The following HS6ST2 variants were observed in gnomAD, a reference collection of about 807,000 sequenced individuals.
HS6ST2 encodes heparan sulfate 6-O-sulfotransferase 2, also known as heparan-sulfate 6-O-sulfotransferase 2.
In HS6ST2, 17 loss-of-function variants were observed where a neutral mutation model predicts 33.0. The observed-to-expected ratio is 0.52, with a 90% confidence interval of 0.35 to 0.77. HS6ST2 has a LOEUF of 0.77. Ranked by LOEUF, HS6ST2 falls within the 30% of genes least tolerant of loss-of-function variation. The probability of loss-of-function intolerance (pLI) is 0.01; values close to 1 mark genes in which losing one functional copy is unlikely to be tolerated. For missense variants in HS6ST2, 519 were observed against 551.7 expected, an observed-to-expected ratio of 0.94 and a Z score of 0.59; for synonymous variants, 248 against 237.1, an observed-to-expected ratio of 1.05 and a Z score of -0.42.
At chrX:132,726,088 A>G (rs1014635334) in intron 2 of HS6ST2, among the ~76,000 whole-genome samples, 12 of 111,419 alleles carry the variant, frequency 1.1e-4, no homozygotes, top group African/African-American at 3.9e-4. Context: ...AATAAGACCT[A>G]GTATTTGATA....
In HS6ST2 at chrX:132,957,264, A is replaced by G. The variant is rs779300145; in HGVS notation, c.491T>C (p.Phe164Ser). The part of the protein sequence containing the change: ...LLLALVMLFL[F>S]AVIVLQYVCP... ...CACGTATTGGAGGACGATCACGGCAAATAGGAAGAGCATCACCAAAGCTAG... is the reference window on the plus strand; with the variant it reads ...CACGTATTGGAGGACGATCACGGCAGATAGGAAGAGCATCACCAAAGCTAG... Residue 164 changes from phenylalanine (F) to serine (S), a missense_variant, in exon 2 of 5, where the codon TTT (phenylalanine) becomes TCT (serine). By Grantham distance (155) the Phe-to-Ser change is radical (BLOSUM62 -2). Coordinates refer to ENST00000370833, the MANE Select transcript of HS6ST2 (RefSeq NM_001394073.1). 8.4e-7 allele frequency: 1 copy of G among 1,189,001 alleles called. No homozygotes were observed. Among genetic ancestry groups the G allele is most frequent in the Admixed American group, 2.3e-5 (1 of 43,927 alleles).
chrX:132,958,543 T>G lies in HS6ST2; in HGVS notation c.60A>C (p.Gly20=), dbSNP rs1672844592. The change falls in exon 1 of 5, where the codon GGA becomes GGC. Residue 20 remains glycine, a synonymous_variant. Transcript: ENST00000370833. Reference sequence around the variant, plus strand: ...GGGGACAGGTGGTGCGGACGGGCGCTCCTCGCTCCGGTTGCCGCGGCGGCT... The same window carrying G: ...GGGGACAGGTGGTGCGGACGGGCGCGCCTCGCTCCGGTTGCCGCGGCGGCT... ...EFEPPRQPER[G]APVRTTCPRR... 1 of 1,182,164 alleles carries G rather than the reference T, an allele frequency of 8.5e-7. No homozygotes were observed. The highest frequency in any genetic ancestry group is 1.1e-6 in the Non-Finnish European group (1 of 881,292).
chrX:132,912,368 G>A (rs2066543905), intron 2 of HS6ST2, among the ~76,000 whole-genome samples: 1 of 112,411 alleles, frequency 8.9e-6, no homozygotes, highest in African/African-American at 3.2e-5. Flanking sequence ...CCCAGTGTTG[G>A]TCCTAACCTG....
intron 2 of HS6ST2, among the ~76,000 whole-genome samples, chrX:132,818,374 C>T (rs1340676008): frequency 2.7e-5 from 3 of 110,763 alleles, no homozygotes; most frequent in African/African-American, 6.6e-5. Flanking sequence ...AGAGTATTAC[C>T]CTACAGAGTT....
chrX:132,736,388 T>A (rs1316966210), intron 2 of HS6ST2, among the ~76,000 whole-genome samples: 1 of 112,181 alleles, frequency 8.9e-6, no homozygotes, highest in Non-Finnish European at 1.9e-5. Context: ...ATAGCTTCTG[T>A]TAGTTTGCAC....
chrX:132,865,307 T>A (rs771647105), intron 2 of HS6ST2, among the ~76,000 whole-genome samples: 1 of 110,979 alleles, frequency 9.0e-6, no homozygotes, highest in East Asian at 2.9e-4. Context: ...GGACATGAAC[T>A]CATCATTTTT....
intron 2 of HS6ST2, among the ~76,000 whole-genome samples, chrX:132,866,048 C>G (rs2065975063): frequency 9.0e-6 from 1 of 110,971 alleles, no homozygotes; most frequent in Non-Finnish European, 1.9e-5. Context: ...ACATGAAGTC[C>G]TTGCCCATGC....
At position 132,627,457 on chromosome X, in the gene HS6ST2, C is replaced by T. The variant is rs2063487123; in HGVS notation, c.*766G>A. The T allele has an allele frequency of 1.8e-5, 2 of 112,059 alleles. No individual in the cohort carries two copies. Among genetic ancestry groups the T allele is most frequent in the African/African-American group, 6.5e-5 (2 of 30,772 alleles). The allele number at this position is 112,059 out of a possible 1,213,427, so 9.2% of individuals were successfully genotyped here. A position where few individuals can be genotyped will look rare whatever the true frequency, so the allele number is the denominator to read the frequency against. ...CCAGTATTGTTGAAATTACAGTGCC[C>T]TGAAAGCGCCTGGAAATTAGATCTT... On this transcript the variant is annotated 3_prime_UTR_variant, in exon 5 of 5. Coordinates refer to ENST00000370833, the MANE Select transcript of HS6ST2 (RefSeq NM_001394073.1).
In HS6ST2 at chrX:132,628,716, T is replaced by C. The variant is rs1287691930; in HGVS notation, c.1445A>G (p.Tyr482Cys). Residue 482 changes from tyrosine to cysteine, a missense_variant, in exon 5 of 5, where the codon TAT becomes TGT. Coordinates refer to ENST00000370833, the MANE Select transcript of HS6ST2 (RefSeq NM_001394073.1). ...GLTEFQRKTQ[Y>C]LFEKTFNMNF... ...CATGTTGAAGGTTTTCTCAAACAGA[T>C]ATTGGGTCTTCCGCTGAAACTCAGT... is the stretch of plus-strand genomic sequence containing the variant. 1 of 1,211,461 alleles carries C rather than the reference T, an allele frequency of 8.3e-7. No homozygotes were observed. Among genetic ancestry groups the C allele is most frequent in the Non-Finnish European group, 1.1e-6 (1 of 895,387 alleles).
chrX:132,925,610 T>TGTGTG (rs1441399521), intron 2 of HS6ST2, among the ~76,000 whole-genome samples: 1 of 111,760 alleles, frequency 8.9e-6, no homozygotes, highest in Admixed American at 9.5e-5. Flanking sequence ...TGACCAGAAG[T>TGTGTG]GTGTGAGTGT....
chrX:132,944,027 GGA>G (rs1293660894), intron 2 of HS6ST2, among the ~76,000 whole-genome samples: 1 of 110,672 alleles, frequency 9.0e-6, no homozygotes. Context: ...GGCAGGAGAA[GGA>G]AATAAAGGGT....
intron 2 of HS6ST2, among the ~76,000 whole-genome samples, chrX:132,849,581 A>C (rs1371038446): frequency 8.9e-6 from 1 of 112,025 alleles, no homozygotes; most frequent in African/African-American, 3.2e-5. Context: ...ATATCTTTGG[A>C]AATGTTTCAG....
At chrX:132,836,547 C>T (rs1292523691) in intron 2 of HS6ST2, among the ~76,000 whole-genome samples, 2 of 112,451 alleles carry the variant, frequency 1.8e-5, no homozygotes, top group African/African-American at 6.5e-5. Context: ...TGAGAAGCAA[C>T]AGCTCTCCTC....
chrX:132,667,355 T>C (rs1271732471), intron 4 of HS6ST2, among the ~76,000 whole-genome samples: 2 of 111,975 alleles, frequency 1.8e-5, no homozygotes, highest in African/African-American at 6.5e-5. Flanking sequence ...AAAAGTTACC[T>C]ATCTCAAAAT....
intron 3 of HS6ST2, among the ~76,000 whole-genome samples, chrX:132,676,788 A>T (rs1265571325): frequency 8.9e-6 from 1 of 112,094 alleles, no homozygotes; most frequent in African/African-American, 3.2e-5. Flanking sequence ...GCCTCACAGG[A>T]AGCATGAGAC....
Position 132,956,803 on chromosome X carries a change from C to T in HS6ST2, c.947+5G>A, listed in dbSNP as rs993495345. On this transcript the variant is annotated splice_donor_5th_base_variant and intron_variant, in intron 2 of 4. Coordinates refer to ENST00000370833, the MANE Select transcript of HS6ST2 (RefSeq NM_001394073.1). ...GGTCCCGCTCGACTACCGGCGCGCA[C>T]TCACCTGGACGGTCTCAGCCTGGCG... 8.6e-7 allele frequency: 1 copy of T among 1,156,282 alleles called. No individual in the cohort carries two copies. The highest frequency in any genetic ancestry group is 1.2e-6 in the Non-Finnish European group (1 of 865,300).
At chrX:132,787,816 G>A (rs1167576511) in intron 2 of HS6ST2, among the ~76,000 whole-genome samples, 4 of 108,031 alleles carry the variant, frequency 3.7e-5, no homozygotes, top group Non-Finnish European at 5.8e-5. Flanking sequence ...ACTTGAACCC[G>A]GGAGGCAGAG....
At chrX:132,810,563 G>A (rs1350268566) in intron 2 of HS6ST2, among the ~76,000 whole-genome samples, 1 of 111,197 alleles carries the variant, frequency 9.0e-6, no homozygotes, top group Non-Finnish European at 1.9e-5. Flanking sequence ...TGGACCCAGT[G>A]ACCTCTCTAC....
intron 2 of HS6ST2, among the ~76,000 whole-genome samples, chrX:132,882,058 T>G (rs965359159): frequency 1.1e-4 from 12 of 111,820 alleles, no homozygotes; most frequent in African/African-American, 3.9e-4. Context: ...TCAGGTAGCG[T>G]GATGCCTCCA....
Sources: allele counts gnomAD v4.1 joint callset (sites outside exome capture counted in the v4.1 genomes callset), GRCh38; gene constraint gnomAD v4.1.1; transcripts MANE v1.5; gene names NCBI Gene and HGNC (gene_info 2026-07-23, HGNC 2026-07-21).